Variants in WARS2 observed in about 807,000 individuals in gnomAD.
The protein encoded by WARS2 is tryptophan--tRNA ligase, mitochondrial.
A neutral mutation model predicts 36.5 loss-of-function variants in WARS2; 28 were observed. The observed-to-expected ratio is 0.77, with a 90% CI of 0.57 to 1.05. The LOEUF (loss-of-function observed/expected upper bound fraction) is 1.05, where lower values mean the gene tolerates loss of function less well. Among genes scored for constraint, WARS2 ranks in the 50% least tolerant of loss-of-function variants. WARS2 has a pLI of 0.00. For synonymous variants in WARS2, 174 were observed against 178.4 expected, an observed-to-expected ratio of 0.98 and a Z score of 0.20; for missense variants, 435 against 456.8, an observed-to-expected ratio of 0.95 and a Z score of 0.44.
Position 119,085,299 on chromosome 1 carries a change from T to C in WARS2, c.91-8692A>G. ...GTAGGCAGTCCTGGCCTTGGGGAGC[T>C]TCCGCCCCTCCCTGGGCACTGACTT... On this transcript the variant is annotated intron_variant, in intron 1 of 5. Coordinates refer to ENST00000235521, the MANE Select transcript of WARS2 (RefSeq NM_015836.4). The C allele has an allele frequency of 4.4e-6, 5 of 1,137,358 alleles. No individual in the cohort carries two copies. In the South Asian group the frequency reaches 6.2e-5, roughly 14 times the overall value. 70.5% of individuals were successfully genotyped at this position (1,137,358 alleles called of 1,614,324 possible). A position where few individuals can be genotyped will look rare whatever the true frequency, so the allele number is the denominator to read the frequency against.
chr1:119,096,942 C>T (rs1182909790), intron 1 of WARS2, among the ~76,000 whole-genome samples: 4 of 152,154 alleles, frequency 2.6e-5, no homozygotes, highest in African/African-American at 9.7e-5. Flanking sequence ...ACACGTGATA[C>T]CATTGCTTGC....
chr1:119,108,182 G>T (rs1571369392), intron 1 of WARS2, among the ~76,000 whole-genome samples: 1 of 152,048 alleles, frequency 6.6e-6, no homozygotes, highest in African/African-American at 2.4e-5. Context: ...TTGGTATAGG[G>T]TAATGCCTGG....
At chr1:119,036,170 T>C (rs577304171) in intron 4 of WARS2, among the ~76,000 whole-genome samples, 3 of 151,982 alleles carry the variant, frequency 2.0e-5, no homozygotes, top group South Asian at 4.2e-4. Flanking sequence ...GATTGCGCCA[T>C]TGCACTCCAG....
intron 1 of WARS2, among the ~76,000 whole-genome samples, chr1:119,098,286 AT>A (rs1653595858): frequency 6.6e-6 from 1 of 152,060 alleles, no homozygotes; most frequent in Admixed American, 6.6e-5. Context: ...AATACATTAA[AT>A]TTAATAAAAT....
intron 1 of WARS2, among the ~76,000 whole-genome samples, chr1:119,138,695 T>A (rs1004147405): frequency 1.3e-5 from 2 of 152,168 alleles, no homozygotes; most frequent in African/African-American, 4.8e-5. Context: ...AAAACCACAT[T>A]AATCTTTCAA....
At chr1:119,087,603 C>A (rs1309522731) in intron 1 of WARS2, among the ~76,000 whole-genome samples, 1 of 152,086 alleles carries the variant, frequency 6.6e-6, no homozygotes, top group Non-Finnish European at 1.5e-5. Flanking sequence ...AATCCGAGGT[C>A]CATTTTGGAC....
chr1:119,111,763 C>T (rs1654651951), intron 1 of WARS2, among the ~76,000 whole-genome samples: 1 of 152,128 alleles, frequency 6.6e-6, no homozygotes, highest in Non-Finnish European at 1.5e-5. Flanking sequence ...CGCTCGGTCA[C>T]TGGTTCCTAG....
At chr1:119,059,719 T>C (rs531049935) in intron 2 of WARS2, among the ~76,000 whole-genome samples, 1 of 152,304 alleles carries the variant, frequency 6.6e-6, no homozygotes, top group African/African-American at 2.4e-5. Flanking sequence ...TATGTTGAAA[T>C]TTTCATTGCG....
intron 1 of WARS2, among the ~76,000 whole-genome samples, chr1:119,132,853 C>A (rs1656218085): frequency 6.6e-6 from 1 of 152,110 alleles, no homozygotes; most frequent in African/African-American, 2.4e-5. Context: ...GAATTATAGA[C>A]CTCTTTAAGA....
At chr1:119,036,787 C>G (rs550856439) in intron 4 of WARS2, among the ~76,000 whole-genome samples, 1 of 152,206 alleles carries the variant, frequency 6.6e-6, no homozygotes, top group African/African-American at 2.4e-5. Context: ...TGGGGTTTTG[C>G]TTTTTAAAAA....
chr1:119,055,590 C>T (rs754068866), intron 2 of WARS2, among the ~76,000 whole-genome samples: 8 of 151,786 alleles, frequency 5.3e-5, no homozygotes, highest in Admixed American at 2.0e-4. Flanking sequence ...TATAGTGAGT[C>T]GAGACCATGC....
intron 2 of WARS2, among the ~76,000 whole-genome samples, chr1:119,048,077 T>G (rs1049662441): frequency 3.3e-5 from 5 of 152,246 alleles, no homozygotes; most frequent in Non-Finnish European, 5.9e-5. Flanking sequence ...CCATTAGGTT[T>G]GGCAACAGAC....
chr1:119,076,519 A>G lies in WARS2; in HGVS notation c.179T>C (p.Val60Ala), dbSNP rs756704413. ...AGAGTCATATTCATCCTGTAACCTCACCCAGCTCTCAATGGCTCCCAGGTA... is the reference window on the plus strand; with the variant it reads ...AGAGTCATATTCATCCTGTAACCTCGCCCAGCTCTCAATGGCTCCCAGGTA... Reference protein sequence around the residue: ...GNYLGAIESWVRLQDEYDSVL... With the variant: ...GNYLGAIESWARLQDEYDSVL... Residue 60 changes from valine to alanine, a missense_variant, in exon 2 of 6, where the codon GTG becomes GCG. Transcript: ENST00000235521. The G allele has an allele frequency of 6.2e-7, 1 of 1,614,152 alleles. No homozygotes were observed. Among genetic ancestry groups the G allele is most frequent in the South Asian group, 1.1e-5 (1 of 91,084 alleles).
At chr1:119,098,189 C>CA (rs771739467) in intron 1 of WARS2, among the ~76,000 whole-genome samples, 3 of 151,876 alleles carry the variant, frequency 2.0e-5, no homozygotes, top group Non-Finnish European at 4.4e-5. Context: ...GTGGAGGTTG[C>CA]AGTGAGCCAA....
intron 1 of WARS2, among the ~76,000 whole-genome samples, chr1:119,114,267 A>C (rs1337169455): frequency 6.6e-6 from 1 of 152,194 alleles, no homozygotes; most frequent in Non-Finnish European, 1.5e-5. Flanking sequence ...CAAGTCGCCA[A>C]CCTACAGAAA....
chr1:119,106,858 A>T (rs2101481024), intron 1 of WARS2, among the ~76,000 whole-genome samples: 1 of 152,312 alleles, frequency 6.6e-6, no homozygotes, highest in Admixed American at 6.5e-5. Context: ...TGGTAAGAGT[A>T]TATTTAGTTT....
intron 1 of WARS2, among the ~76,000 whole-genome samples, chr1:119,120,299 C>A (rs1298310780): frequency 1.3e-5 from 2 of 151,660 alleles, no homozygotes; most frequent in African/African-American, 2.4e-5. Flanking sequence ...ACTAGAAAAC[C>A]TAGAGGAGAT....
At chr1:119,135,727 T>C (rs587751839) in intron 1 of WARS2, among the ~76,000 whole-genome samples, 2 of 114,376 alleles carry the variant, frequency 1.7e-5, no homozygotes, top group South Asian at 2.6e-4. Context: ...GATAGATAGA[T>C]AGATAGATAG....
chr1:119,094,381 TC>T (rs1653266534), intron 1 of WARS2, among the ~76,000 whole-genome samples: 1 of 151,824 alleles, frequency 6.6e-6, no homozygotes, highest in South Asian at 2.1e-4. Flanking sequence ...GACTTTTTTT[TC>T]CCCCTTTGAA....
Sources: allele counts gnomAD v4.1 joint callset (sites outside exome capture counted in the v4.1 genomes callset), GRCh38; gene constraint gnomAD v4.1.1; transcripts MANE v1.5; gene names NCBI Gene and HGNC (gene_info 2026-07-23, HGNC 2026-07-21).